The following LRP1B variants were observed in gnomAD, a reference collection of about 807,000 sequenced individuals.
LRP1B encodes low-density lipoprotein receptor-related protein 1B.
A neutral mutation model predicts 556.6 loss-of-function variants in LRP1B; 217 were observed. The ratio of observed to expected loss-of-function variants is 0.39; its 90% confidence interval spans 0.35 to 0.44. The LOEUF (loss-of-function observed/expected upper bound fraction) is 0.44, where lower values mean the gene tolerates loss of function less well. Among genes scored for constraint, LRP1B ranks in the 20% least tolerant of loss-of-function variants. The probability of loss-of-function intolerance (pLI) is 1.00; values close to 1 mark genes in which losing one functional copy is unlikely to be tolerated. For missense variants in LRP1B, 5,053 were observed against 5,620.8 expected (o/e 0.90, Z 3.23); for synonymous variants, 2,047 against 1,865.8 (o/e 1.10, Z -2.50).
chr2:141,695,127 A>AT (rs1208398281), intron 2 of LRP1B, among the ~76,000 whole-genome samples: 2 of 151,830 alleles, frequency 1.3e-5, no homozygotes, highest in Non-Finnish European at 2.9e-5. Flanking sequence ...CATGCCATTT[A>AT]TTTTTTCCCA....
chr2:141,515,893 C>G (rs1210535614), intron 2 of LRP1B, among the ~76,000 whole-genome samples: 2 of 152,110 alleles, frequency 1.3e-5, no homozygotes, highest in African/African-American at 2.4e-5. Flanking sequence ...GGGTTTACAT[C>G]TATCAGAATG....
At chr2:141,411,792 T>TGC (rs1483586019) in intron 3 of LRP1B, among the ~76,000 whole-genome samples, 1 of 152,132 alleles carries the variant, frequency 6.6e-6, no homozygotes, top group Non-Finnish European at 1.5e-5. Flanking sequence ...ATAAAAATAT[T>TGC]ATTCTAAATA....
chr2:141,123,251 T>A (rs546537008), intron 7 of LRP1B, among the ~76,000 whole-genome samples: 71 of 144,760 alleles, frequency 4.9e-4, no homozygotes, highest in South Asian at 1.1e-3. Context: ...TAAAAAAAAA[T>A]AAATAAATAA....
chr2:140,659,549 G>A (rs1255209747), intron 41 of LRP1B, among the ~76,000 whole-genome samples: 1 of 151,886 alleles, frequency 6.6e-6, no homozygotes, highest in East Asian at 1.9e-4. Context: ...ATATATTCTG[G>A]CTTCAGTGGA....
intron 2 of LRP1B, among the ~76,000 whole-genome samples, chr2:141,702,328 G>A (rs1691969825): frequency 6.6e-6 from 1 of 151,852 alleles, no homozygotes; most frequent in Non-Finnish European, 1.5e-5. Context: ...GCAAACTAGA[G>A]GGATGATCCC....
At chr2:140,630,835 T>A (rs1683855739) in intron 41 of LRP1B, among the ~76,000 whole-genome samples, 1 of 152,204 alleles carries the variant, frequency 6.6e-6, no homozygotes, top group African/African-American at 2.4e-5. Context: ...CTAGCCTTAG[T>A]GTCTCACCTA....
At chr2:141,139,091 T>C (rs1701564952) in intron 7 of LRP1B, among the ~76,000 whole-genome samples, 1 of 151,864 alleles carries the variant, frequency 6.6e-6, no homozygotes, top group South Asian at 2.1e-4. Context: ...GGCACTATAG[T>C]AGAGAAACAA....
At chr2:141,279,039 G>A (rs1245339924) in intron 3 of LRP1B, among the ~76,000 whole-genome samples, 14 of 151,948 alleles carry the variant, frequency 9.2e-5, no homozygotes, top group Admixed American at 9.2e-4. Flanking sequence ...ATTATTCAAG[G>A]ATTATCATTA....
intron 3 of LRP1B, among the ~76,000 whole-genome samples, chr2:141,408,617 A>G (rs1010180961): frequency 2.0e-5 from 3 of 152,084 alleles, no homozygotes; most frequent in South Asian, 4.1e-4. Flanking sequence ...AAATAAATCT[A>G]TGGTTTTTCA....
intron 60 of LRP1B, among the ~76,000 whole-genome samples, chr2:140,471,305 C>A (rs745844483): frequency 6.6e-6 from 1 of 152,132 alleles, no homozygotes; most frequent in Non-Finnish European, 1.5e-5. Context: ...TGTTTAAATA[C>A]GTCTTTAGAA....
intron 1 of LRP1B, among the ~76,000 whole-genome samples, chr2:142,027,763 G>A (rs1190322216): frequency 1.4e-5 from 2 of 146,138 alleles, no homozygotes; most frequent in Non-Finnish European, 3.0e-5. Flanking sequence ...AAACTTCAGA[G>A]TTTTCATCTT....
At chr2:141,478,610 C>T (rs1465352540) in intron 3 of LRP1B, among the ~76,000 whole-genome samples, 1 of 148,420 alleles carries the variant, frequency 6.7e-6, no homozygotes, top group Non-Finnish European at 1.5e-5. Flanking sequence ...ATGACATAAT[C>T]TTGGCTCACT....
Position 140,261,287 on chromosome 2 carries a change from C to T in LRP1B, c.13247+8955G>A, listed in dbSNP as rs185290039. ...TATAACTCACATTTAAATATATGAA[C>T]CTCATAGTTTTATACTATTCTAGTG... is the stretch of plus-strand genomic sequence containing the variant. On this transcript the variant is annotated intron_variant, in intron 86 of 90. Transcript: ENST00000389484. Among the ~76,000 whole-genome samples, 91 of 151,836 alleles carry T rather than the reference C, an allele frequency of 6.0e-4. 2 individuals carry two copies. Among genetic ancestry groups the T allele is most frequent in the African/African-American group, 2.2e-3 (90 of 41,476 alleles).
At chr2:140,399,819 A>G (rs1434753861) in intron 66 of LRP1B, among the ~76,000 whole-genome samples, 2 of 152,242 alleles carry the variant, frequency 1.3e-5, no homozygotes, top group Non-Finnish European at 2.9e-5. Flanking sequence ...AATAGTTAGA[A>G]GTCCTAAACT....
chr2:141,844,846 C>T (rs1313701414), intron 1 of LRP1B, among the ~76,000 whole-genome samples: 1 of 151,468 alleles, frequency 6.6e-6, no homozygotes, highest in African/African-American at 2.4e-5. Flanking sequence ...AATCATATTC[C>T]CAAAACAGCA....
intron 1 of LRP1B, among the ~76,000 whole-genome samples, chr2:141,932,071 G>T (rs577443644): frequency 3.2e-4 from 49 of 152,102 alleles, no homozygotes; most frequent in Non-Finnish European, 5.3e-4. Context: ...CCAGTAAGGG[G>T]TAATGAGAAA....
chr2:141,670,962 A>AT (rs1478682371), intron 2 of LRP1B, among the ~76,000 whole-genome samples: 2 of 152,152 alleles, frequency 1.3e-5, no homozygotes, highest in African/African-American at 2.4e-5. Context: ...TCTGAATTAG[A>AT]TAAAAACTAA....
chr2:140,290,739 TC>T (rs892337062), intron 84 of LRP1B, among the ~76,000 whole-genome samples: 22 of 152,208 alleles, frequency 1.4e-4, no homozygotes, highest in Non-Finnish European at 1.5e-5. Context: ...GTGCCTCTTT[TC>T]TATGGTGTAG....
chr2:141,365,194 G>GA (rs966161769), intron 3 of LRP1B, among the ~76,000 whole-genome samples: 26 of 151,956 alleles, frequency 1.7e-4, no homozygotes, highest in South Asian at 1.7e-3. Flanking sequence ...TTCACTGAAA[G>GA]AAAAAAAATT....
Sources: gnomAD v4.1 joint callset for allele counts (sites outside exome capture counted in the v4.1 genomes callset) on GRCh38, gnomAD v4.1.1 for gene constraint, MANE v1.5 for transcripts, NCBI Gene and HGNC (gene_info 2026-07-23, HGNC 2026-07-21) for gene names.